Variants in GNAL observed in about 807,000 individuals in gnomAD.
GNAL encodes G protein subunit alpha L.
A neutral mutation model predicts 55.1 loss-of-function variants in GNAL; 18 were observed. That is an observed-to-expected ratio of 0.33 (90% CI 0.23 to 0.48). The LOEUF is 0.48. Ranked by LOEUF, GNAL falls within the 20% of genes least tolerant of loss-of-function variation. GNAL has a pLI of 0.99. For synonymous variants in GNAL, 253 were observed against 237.0 expected (o/e 1.07, Z -0.62); for missense variants, 412 against 614.1 (o/e 0.67, Z 3.48).
intron 5 of GNAL, chr18:11,851,705 T>C: frequency 6.2e-7 from 1 of 1,613,974 alleles, no homozygotes; most frequent in Non-Finnish European, 8.5e-7. Context: ...GCGGTGAATT[T>C]CTTGAGAATG....
Position 11,866,289 on chromosome 18 carries a change from C to G in GNAL, c.852-879C>G, listed in dbSNP as rs1453461868. ...GTGCCCCACGTGTGCTAATGTAAAG[C>G]GTACGGATTAAATTCTAATAGGATC... On this transcript the variant is annotated intron_variant, in intron 7 of 11. Coordinates refer to ENST00000334049, the MANE Select transcript of GNAL (RefSeq NM_182978.4). 1.3e-5 allele frequency among the ~76,000 whole-genome samples: 2 copies of G among 150,230 alleles called. 1 individual carries two copies. The highest frequency in any genetic ancestry group is 5.1e-5 in the African/African-American group (2 of 39,572).
chr18:11,807,131 C>T (rs2143544522), intron 4 of GNAL, among the ~76,000 whole-genome samples: 1 of 151,866 alleles, frequency 6.6e-6, no homozygotes, highest in African/African-American at 2.4e-5. Context: ...TACACTCCAG[C>T]CTGGGTGATA....
At chr18:11,844,768 C>T (rs961371432) in intron 5 of GNAL, among the ~76,000 whole-genome samples, 15 of 152,176 alleles carry the variant, frequency 9.9e-5, no homozygotes, top group African/African-American at 3.6e-4. Context: ...AGGTGCTCCC[C>T]GAGGAGGACG....
At chr18:11,840,009 G>A (rs535523304) in intron 5 of GNAL, among the ~76,000 whole-genome samples, 3 of 152,272 alleles carry the variant, frequency 2.0e-5, no homozygotes, top group South Asian at 2.1e-4. Context: ...ATGCATTAGC[G>A]GTTAGAATTA....
At chr18:11,847,687 T>C (rs1408121880) in intron 5 of GNAL, among the ~76,000 whole-genome samples, 1 of 152,224 alleles carries the variant, frequency 6.6e-6, no homozygotes, top group Non-Finnish European at 1.5e-5. Flanking sequence ...GGTTTCAATG[T>C]TAACGTGGTA....
intron 4 of GNAL, among the ~76,000 whole-genome samples, chr18:11,790,480 G>A (rs186457780): frequency 8.5e-4 from 129 of 152,156 alleles, no homozygotes; most frequent in Admixed American, 1.6e-3. Context: ...GACTCATAAA[G>A]CATTTTTAAC....
Position 11,750,980 on chromosome 18 carries a change from G to T in GNAL, c.377-1873G>T, listed in dbSNP as rs9964761. On this transcript the variant is annotated intron_variant, in intron 1 of 11. Transcript: ENST00000334049. ...CGGCGGGCCTGAGGGTAGGGGAAGC[G>T]CCGCCTGGGGAGCCGGGGCGGGCTG... is the stretch of plus-strand genomic sequence containing the variant. Among the ~76,000 whole-genome samples the T allele has an allele frequency of 5.3e-5, 8 of 152,058 alleles. No homozygotes were observed. The South Asian group carries it at 1.7e-3, about 32-fold the overall frequency.
At chr18:11,763,244 C>G (rs2143199740) in intron 4 of GNAL, among the ~76,000 whole-genome samples, 2 of 152,302 alleles carry the variant, frequency 1.3e-5, no homozygotes, top group Middle Eastern at 6.8e-3. Flanking sequence ...CTCACTCTCT[C>G]TACACTAACA....
At chr18:11,813,928 C>T (rs993433512) in intron 4 of GNAL, among the ~76,000 whole-genome samples, 2 of 152,012 alleles carry the variant, frequency 1.3e-5, no homozygotes, top group South Asian at 2.1e-4. Flanking sequence ...GCCAGAGATA[C>T]TAAGGATTCA....
At chr18:11,693,704 C>T (rs951839269) in intron 1 of GNAL, among the ~76,000 whole-genome samples, 5 of 149,690 alleles carry the variant, frequency 3.3e-5, no homozygotes, top group South Asian at 4.2e-4. Flanking sequence ...GTTCAGAGAC[C>T]TCAGACCCAG....
At chr18:11,745,568 T>G (rs1463477966) in intron 1 of GNAL, 1 of 152,828 alleles carries the variant, frequency 6.5e-6, no homozygotes, top group East Asian at 1.9e-4. Context: ...GTGCCTAGTC[T>G]TTTCCATCAC....
rs66803403 is a variant in GNAL at position 11,786,436 on chromosome 18, C to CTTTTTTTTTTT, written c.624+32511_624+32521dup. Among the ~76,000 whole-genome samples the CTTTTTTTTTTT allele has an allele frequency of 7.1e-4, 43 of 60,678 alleles. 4 individuals are homozygous for CTTTTTTTTTTT. Among genetic ancestry groups the CTTTTTTTTTTT allele is most frequent in the East Asian group, 1.1e-3 (2 of 1,864 alleles). The allele number at this position is 60,678 out of a possible 152,430, so 39.8% of individuals were successfully genotyped here. A position where few individuals can be genotyped will look rare whatever the true frequency, so the allele number is the denominator to read the frequency against. Reference sequence around the variant, plus strand: ...GGTGGGATAGATCTTCATACGTTTTCTTTTTTTTTTTTTTTTTTTTTTTTT... The same window carrying CTTTTTTTTTTT: ...GGTGGGATAGATCTTCATACGTTTTCTTTTTTTTTTTTTTTTTTTTTTTTTTTTTTTTTTTT... On this transcript the variant is annotated intron_variant, in intron 4 of 11. Coordinates refer to ENST00000334049, the MANE Select transcript of GNAL (RefSeq NM_182978.4).
chr18:11,806,672 T>C (rs1444704018), intron 4 of GNAL, among the ~76,000 whole-genome samples: 2 of 151,734 alleles, frequency 1.3e-5, no homozygotes. Flanking sequence ...TGAGGGAGGC[T>C]GGTGAAAGGG....
chr18:11,782,903 T>G (rs1031975370), intron 4 of GNAL, among the ~76,000 whole-genome samples: 1 of 152,238 alleles, frequency 6.6e-6, no homozygotes, highest in Non-Finnish European at 1.5e-5. Flanking sequence ...ATCATAAATC[T>G]TAAGAATTTT....
At chr18:11,856,012 A>C (rs539303266) in intron 5 of GNAL, among the ~76,000 whole-genome samples, 1 of 151,308 alleles carries the variant, frequency 6.6e-6, no homozygotes, top group Non-Finnish European at 1.5e-5. Flanking sequence ...CAGTCTGATA[A>C]GAGAACCTTA....
chr18:11,841,591 G>C (rs542727748), intron 5 of GNAL, among the ~76,000 whole-genome samples: 185 of 149,020 alleles, frequency 1.2e-3, no homozygotes, highest in Middle Eastern at 3.4e-3. Flanking sequence ...GTTGCAGTGA[G>C]CCAATATCCT....
At chr18:11,819,649 A>G (rs555527790) in intron 4 of GNAL, among the ~76,000 whole-genome samples, 25 of 152,198 alleles carry the variant, frequency 1.6e-4, no homozygotes, top group African/African-American at 4.8e-4. Context: ...GTTTTTATAT[A>G]CCCTCAGATG....
At chr18:11,731,398 C>T (rs1454263829) in intron 1 of GNAL, among the ~76,000 whole-genome samples, 1 of 152,246 alleles carries the variant, frequency 6.6e-6, no homozygotes, top group South Asian at 2.1e-4. Context: ...ATCCACCCGC[C>T]TTGGCCTCCC....
rs988306818 is a variant in GNAL at position 11,782,692 on chromosome 18, A to C, written c.624+28747A>C. Among the ~76,000 whole-genome samples, 3 of 152,280 alleles carry C rather than the reference A, an allele frequency of 2.0e-5. No homozygotes were observed. In the South Asian group the frequency reaches 6.2e-4, roughly 32 times the overall value. On this transcript the variant is annotated intron_variant, in intron 4 of 11. Coordinates refer to ENST00000334049, the MANE Select transcript of GNAL (RefSeq NM_182978.4). ...TTTATGATTAAACAAAAAAATAAGA[A>C]AATGAAAAAGGGCCATGTAAGAGTC...
Sources: allele counts gnomAD v4.1 joint callset (sites outside exome capture counted in the v4.1 genomes callset), GRCh38; gene constraint gnomAD v4.1.1; transcripts MANE v1.5; gene names NCBI Gene and HGNC (gene_info 2026-07-23, HGNC 2026-07-21).